Variants in TIPIN observed in about 807,000 individuals in gnomAD.
TIPIN encodes TIMELESS interacting protein.
TIPIN carries 29 observed loss-of-function variants against 35.6 expected under a neutral mutation model. That is an observed-to-expected ratio of 0.82 (90% confidence interval 0.61 to 1.11). TIPIN has a LOEUF of 1.11. Ranked by LOEUF, TIPIN falls within the 50% of genes most tolerant of loss-of-function variation. The pLI, the probability that TIPIN is intolerant of heterozygous loss-of-function variation, is 0.00. For synonymous variants in TIPIN, 102 were observed against 121.5 expected (o/e 0.84, Z 1.06); for missense variants, 296 against 345.4 (o/e 0.86, Z 1.13).
intron 6 of TIPIN, chr15:66,347,193 A>T (rs1338907760): frequency 1.4e-5 from 7 of 498,702 alleles, no homozygotes; most frequent in Non-Finnish European, 2.8e-5. Flanking sequence ...TAAAAGTTAA[A>T]AAACAAAAAC....
intron 7 of TIPIN, among the ~76,000 whole-genome samples, chr15:66,340,873 A>G (rs1241802392): frequency 2.0e-5 from 3 of 152,234 alleles, no homozygotes; most frequent in Non-Finnish European, 1.5e-5. Flanking sequence ...CTGAGATTAC[A>G]GGCATGAGCC....
intron 6 of TIPIN, among the ~76,000 whole-genome samples, chr15:66,345,428 C>T (rs142192618): frequency 1.5e-3 from 224 of 152,168 alleles, no homozygotes; most frequent in Middle Eastern, 3.4e-3. Flanking sequence ...AAATTTAGGC[C>T]GGGCACAGTG....
chr15:66,364,732 C>T (rs1043201744), intron 1 of TIPIN, among the ~76,000 whole-genome samples: 2 of 151,634 alleles, frequency 1.3e-5, no homozygotes, highest in Non-Finnish European at 2.9e-5. Flanking sequence ...TTTGGGAGGC[C>T]GAGGCAGGCA....
chr15:66,374,828 T>C (rs2093290538), intron 1 of TIPIN, among the ~76,000 whole-genome samples: 2 of 152,096 alleles, frequency 1.3e-5, no homozygotes. Context: ...GTGATCCGCC[T>C]GCCTTGTCCT....
chr15:66,347,119 G>A, intron 6 of TIPIN: 1 of 387,726 alleles, frequency 2.6e-6, no homozygotes, highest in Non-Finnish European at 5.2e-6. Context: ...TTACATGTTT[G>A]AAAGTAGTTT....
In TIPIN at chr15:66,349,110, C is replaced by T. The variant is rs76072153; in HGVS notation, c.425G>A (p.Arg142Gln). The change falls in exon 6 of 8, where the codon CGA becomes CAA. Residue 142 changes from arginine to glutamine, a missense_variant. Transcript: ENST00000261881. ...SKKEVQTCLK[R>Q]IRLDLPILHE... ...TAAAATAGGGAGATCAAGTCGAATTCGTTTTAAACAGGTCTGAAAATGAAA... is the reference window on the plus strand; with the variant it reads ...TAAAATAGGGAGATCAAGTCGAATTTGTTTTAAACAGGTCTGAAAATGAAA... 27 of 1,610,350 alleles carry T rather than the reference C, an allele frequency of 1.7e-5. No individual in the cohort carries two copies. Among genetic ancestry groups the T allele is most frequent in the Admixed American group, 1.3e-4 (8 of 59,928 alleles).
chr15:66,342,100 C>A (rs1367833797), intron 6 of TIPIN, among the ~76,000 whole-genome samples: 2 of 148,614 alleles, frequency 1.3e-5, no homozygotes. Context: ...AGGAGAATTG[C>A]TTGAACCGGG....
chr15:66,340,764 T>C (rs1345210868), intron 7 of TIPIN, among the ~76,000 whole-genome samples: 1 of 151,976 alleles, frequency 6.6e-6, no homozygotes, highest in East Asian at 1.9e-4. Flanking sequence ...ACCTGGCTAA[T>C]TTTTGTAATT....
intron 3 of TIPIN, 41 bp from the exon 4 acceptor site, chr15:66,351,641 C>CTT (rs56040501): frequency 0.17 from 172,495 of 1,037,112 alleles, 11 homozygotes; most frequent in South Asian, 0.18. Context: ...GTTTTATTTT[C>CTT]TTTTTTTTTT....
chr15:66,368,062 G>T (rs1018142443), intron 1 of TIPIN, among the ~76,000 whole-genome samples: 3 of 151,786 alleles, frequency 2.0e-5, no homozygotes, highest in Non-Finnish European at 4.4e-5. Flanking sequence ...TCGAACCCCT[G>T]ACCTTGTGAT....
rs62627311 is a variant in TIPIN, at chr15:66,346,800, C to CT, written c.475+2259dup. 3.4e-3 allele frequency among the ~76,000 whole-genome samples: 507 copies of CT among 147,070 alleles called. 7 individuals are homozygous for CT. Among genetic ancestry groups the CT allele is most frequent in the East Asian group, 0.017 (86 of 5,076 alleles). On this transcript the variant is annotated intron_variant, in intron 6 of 7. Transcript: ENST00000261881. ...ATCACGGATTATTTAAATCACATTC[C>CT]TTTTTTTTTTTGAGACGGAGTCTTG...
intron 6 of TIPIN, among the ~76,000 whole-genome samples, chr15:66,345,881 G>A (rs2093121251): frequency 6.6e-6 from 1 of 151,476 alleles, no homozygotes; most frequent in Non-Finnish European, 1.5e-5. Context: ...CTCAGATTCA[G>A]TTCTCTTATT....
At chr15:66,350,026 A>G (rs1045572439) in intron 4 of TIPIN, among the ~76,000 whole-genome samples, 3 of 151,984 alleles carry the variant, frequency 2.0e-5, no homozygotes, top group East Asian at 1.9e-4. Flanking sequence ...CAAGGGCGCA[A>G]TCTTGGCTCA....
intron 1 of TIPIN, among the ~76,000 whole-genome samples, chr15:66,372,445 C>A (rs62011749): frequency 6.6e-6 from 1 of 152,194 alleles, no homozygotes; most frequent in Non-Finnish European, 1.5e-5. Flanking sequence ...GAATTTATCA[C>A]AATTTATCCA....
chr15:66,369,549 C>T (rs1457591815), intron 1 of TIPIN, among the ~76,000 whole-genome samples: 2 of 151,754 alleles, frequency 1.3e-5, no homozygotes, highest in African/African-American at 2.4e-5. Context: ...GGGGTTTCAC[C>T]ATGTTAGCCA....
In TIPIN at chr15:66,379,669, C is replaced by G. The variant is rs2093310771; in HGVS notation, c.-9+6938G>C. 1.9e-6 allele frequency: 3 copies of G among 1,611,386 alleles called. No individual in the cohort carries two copies. In the East Asian group the frequency reaches 6.7e-5, roughly 36 times the overall value. ...TTGTAACGGAAGCCCAGTGTAACAC[C>G]CTTGATCATGTTCTGTACATGACTA... On this transcript the variant is annotated intron_variant, in intron 1 of 7. Coordinates refer to the TIPIN transcript ENST00000562124.
intron 1 of TIPIN, chr15:66,371,206 CAA>C (rs200596294): frequency 6.1e-4 from 536 of 873,270 alleles, no homozygotes; most frequent in African/African-American, 1.7e-3. Flanking sequence ...GGGAAACTCT[CAA>C]AAAAAAAAAA....
At chr15:66,357,943 A>G (rs896227261), upstream of TIPIN, among the ~76,000 whole-genome samples, 1 of 151,906 alleles carries the variant, frequency 6.6e-6, no homozygotes, top group Non-Finnish European at 1.5e-5. Flanking sequence ...GCGACGGAGC[A>G]AGACTCTGTC....
chr15:66,357,623 A>G (rs1390726428), upstream of TIPIN, among the ~76,000 whole-genome samples: 3 of 125,778 alleles, frequency 2.4e-5, no homozygotes, highest in Non-Finnish European at 5.0e-5. Context: ...AAAAAAAAAA[A>G]GCGAGAGAGT....
Sources: allele counts gnomAD v4.1 joint callset (sites outside exome capture counted in the v4.1 genomes callset), GRCh38; gene constraint gnomAD v4.1.1; transcripts MANE v1.5; gene names NCBI Gene and HGNC (gene_info 2026-07-23, HGNC 2026-07-21).